The following LFNG variants were observed in gnomAD, a reference collection of about 807,000 sequenced individuals.
LFNG encodes the protein LFNG O-fucosylpeptide 3-beta-N-acetylglucosaminyltransferase, also known as beta-1,3-N-acetylglucosaminyltransferase lunatic fringe.
A neutral mutation model predicts 32.7 loss-of-function variants in LFNG; 15 were observed. The observed-to-expected ratio is 0.46, with a 90% CI of 0.31 to 0.71. LFNG has a LOEUF of 0.71. Among genes scored for constraint, LFNG ranks in the 30% least tolerant of loss-of-function variants. LFNG has a pLI of 0.06. For missense variants in LFNG, 520 were observed against 545.7 expected (o/e 0.95, Z 0.47); for synonymous variants, 274 against 246.8 (o/e 1.11, Z -1.03).
rs774989101 is a variant in LFNG at position 2,526,194 on chromosome 7, G to A, written c.822-50G>A. The A allele has an allele frequency of 6.2e-7, 1 of 1,605,682 alleles. No individual in the cohort carries two copies. The highest frequency in any genetic ancestry group is 1.1e-5 in the South Asian group (1 of 90,962). ...CCTGGTGGGGCCTCCCCAGCTCCCA[G>A]CAGATGGCTCCCGCCTCTGCTCACT... On this transcript the variant is annotated intron_variant, in intron 5 of 7. Coordinates refer to ENST00000222725, the MANE Select transcript of LFNG (RefSeq NM_001040167.2). The surrounding 1 kb of genome is among the most constrained non-coding windows in gnomAD (Gnocchi z 6.9).
At chr7:2,519,735 G>A (rs1428563846), upstream of LFNG, 6 of 446,764 alleles carry the variant, frequency 1.3e-5, no homozygotes, top group East Asian at 3.6e-4. Flanking sequence ...CGGGACCGGG[G>A]CGGGGAGGTT....
At chr7:2,515,768 G>A (rs1021334946), upstream of LFNG, among the ~76,000 whole-genome samples, 3 of 152,270 alleles carry the variant, frequency 2.0e-5, no homozygotes, top group African/African-American at 7.2e-5. Flanking sequence ...AGACCACACA[G>A]TGGGCGAGGG....
intron 2 of LFNG, 103 bp downstream of exon 2, chr7:2,524,846 G>T: frequency 9.0e-7 from 1 of 1,114,092 alleles, no homozygotes; most frequent in Non-Finnish European, 1.3e-6. Flanking sequence ...GTCACCAAGG[G>T]CAGGACAGGG....
At chr7:2,515,040 A>G (rs10276492), upstream of LFNG, among the ~76,000 whole-genome samples, 19 of 59,452 alleles carry the variant, frequency 3.2e-4, no homozygotes, top group East Asian at 7.2e-3. Context: ...CCATCCATCC[A>G]TCCATCTGTC....
At position 2,519,838 on chromosome 7, in the gene LFNG, G is replaced by A; in HGVS notation, c.-24G>A. ...GCAAGGCAGGCGCACGGGGAAGGGCGCGCCGCGCGGCCGCCACCCCACCAT... is the reference window on the plus strand; with the variant it reads ...GCAAGGCAGGCGCACGGGGAAGGGCACGCCGCGCGGCCGCCACCCCACCAT... On this transcript the variant is annotated 5_prime_UTR_variant, in exon 1 of 8. Coordinates refer to ENST00000222725, the MANE Select transcript of LFNG (RefSeq NM_001040167.2). The A allele has an allele frequency of 5.6e-6, 6 of 1,076,554 alleles. No individual in the cohort carries two copies. The highest frequency in any genetic ancestry group is 5.6e-6 in the Non-Finnish European group (5 of 889,176). 66.7% of individuals were successfully genotyped at this position (1,076,554 alleles called of 1,614,324 possible).
At position 2,525,352 on chromosome 7, in the gene LFNG, G is replaced by A. The variant is rs1276070062; in HGVS notation, c.581+34G>A. 16 of 1,612,010 alleles carry A rather than the reference G, an allele frequency of 9.9e-6. No individual in the cohort carries two copies. In the South Asian group the frequency reaches 1.8e-4, roughly 18 times the overall value. Reference sequence around the variant, plus strand: ...GGCCCCGGGGGACCCCCATCTCCCTGCCCGAGCCTGGCAGCGCCCGCCCCG... The same window carrying A: ...GGCCCCGGGGGACCCCCATCTCCCTACCCGAGCCTGGCAGCGCCCGCCCCG... On this transcript the variant is annotated intron_variant, in intron 3 of 7. Coordinates refer to ENST00000222725, the MANE Select transcript of LFNG (RefSeq NM_001040167.2).
At chr7:2,525,904 C>A in intron 5 of LFNG, 134 bp downstream of exon 5, 1 of 819,362 alleles carries the variant, frequency 1.2e-6, no homozygotes, top group Non-Finnish European at 2.0e-6. Flanking sequence ...TTCCTATATT[C>A]CACTTCCCTC....
upstream of LFNG, chr7:2,513,228 G>A: frequency 3.1e-6 from 5 of 1,609,600 alleles, no homozygotes; most frequent in Non-Finnish European, 4.2e-6. Flanking sequence ...TGGATGGAAG[G>A]ATGGACGGAC....
In LFNG at chr7:2,519,805, G is replaced by C. The variant is rs906858134; in HGVS notation, c.-57G>C. 1.0e-6 allele frequency: 1 copy of C among 994,600 alleles called. No individual in the cohort carries two copies. Among genetic ancestry groups the C allele is most frequent in the Non-Finnish European group, 1.2e-6 (1 of 827,310 alleles). The allele number at this position is 994,600 out of a possible 1,614,324, so 61.6% of individuals were successfully genotyped here. On this transcript the variant is annotated 5_prime_UTR_variant, in exon 1 of 8. Transcript: ENST00000222725. ...CTGCGCCGCCGGAGCGACGGGCTTC[G>C]GGTCGGTGCAAGGCAGGCGCACGGG...
rs960325791 is a variant in LFNG at position 2,528,278 on chromosome 7, C to T, written c.*1066C>T. 2.1e-5 allele frequency: 21 copies of T among 986,066 alleles called. No homozygotes were observed. The highest frequency in any genetic ancestry group is 2.5e-5 in the Non-Finnish European group (21 of 830,064). The allele number at this position is 986,066 out of a possible 1,614,324, so 61.1% of individuals were successfully genotyped here. On this transcript the variant is annotated 3_prime_UTR_variant, in exon 8 of 8. Coordinates refer to ENST00000222725, the MANE Select transcript of LFNG (RefSeq NM_001040167.2). Reference sequence around the variant, plus strand: ...CCTCCCCGCTGGGCCCAGCATGGCTCACCTGTCCCGTGGGCTGTGTTTCTT... The same window carrying T: ...CCTCCCCGCTGGGCCCAGCATGGCTTACCTGTCCCGTGGGCTGTGTTTCTT...
At chr7:2,518,381 C>A (rs992948074), upstream of LFNG, among the ~76,000 whole-genome samples, 1 of 152,198 alleles carries the variant, frequency 6.6e-6, no homozygotes, top group African/African-American at 2.4e-5. Context: ...GAACCCCCAT[C>A]CCCCACACCA....
upstream of LFNG, among the ~76,000 whole-genome samples, chr7:2,515,722 G>A (rs1779613202): frequency 6.6e-6 from 1 of 152,246 alleles, no homozygotes; most frequent in African/African-American, 2.4e-5. Context: ...ACAGAGTCAA[G>A]TAACGTCCCA....
intron 1 of LFNG, 77 bp from the exon 2 acceptor site, chr7:2,524,618 G>A (rs998827219): frequency 2.0e-5 from 27 of 1,371,610 alleles, no homozygotes; most frequent in Admixed American, 9.8e-5. Context: ...ACTCCAGGGC[G>A]CCCCGTCCGG....
intron 1 of LFNG, among the ~76,000 whole-genome samples, chr7:2,523,211 C>G (rs1779843065): frequency 6.6e-6 from 1 of 152,218 alleles, no homozygotes; most frequent in African/African-American, 2.4e-5. Context: ...CCTCCCACGG[C>G]ATTCCTGGGC....
In LFNG at chr7:2,525,227, G is replaced by C. The variant is rs149352105; in HGVS notation, c.490G>C (p.Val164Leu). ...EALARHTGNV[V>L]ITNCSAAHSR... ...CGCTCCCCTGTCCACAGGCAACGTG[G>C]TCATCACAAACTGCTCGGCCGCCCA... Residue 164 changes from valine (V) to leucine (L), a missense_variant, in exon 3 of 8, where the codon GTC (valine) becomes CTC (leucine). Transcript: ENST00000222725. 8.7e-6 allele frequency: 14 copies of C among 1,612,672 alleles called. No individual in the cohort carries two copies. In the African/African-American group the frequency reaches 1.9e-4, roughly 22 times the overall value.
rs1238195441 is a variant in LFNG at position 2,512,604 on chromosome 7, AC to A, written c.-48del. On this transcript the variant is annotated 5_prime_UTR_variant, in exon 1 of 9. Coordinates refer to the LFNG transcript ENST00000402506. ...ACAGAGGCCAAGGCGGCTCCTGGCC[AC>A]CCTCGCAGCTTCCTCCCTCCCTGGC... The A allele has an allele frequency of 1.1e-5, 18 of 1,577,952 alleles. No individual in the cohort carries two copies. In the East Asian group the frequency reaches 3.8e-4, roughly 33 times the overall value.
chr7:2,520,067 G>T lies in LFNG; in HGVS notation c.206G>T (p.Arg69Leu). 8.3e-7 allele frequency: 1 copy of T among 1,202,682 alleles called. No individual in the cohort carries two copies. The highest frequency in any genetic ancestry group is 1.0e-6 in the Non-Finnish European group (1 of 963,766). The allele number at this position is 1,202,682 out of a possible 1,614,324, so 74.5% of individuals were successfully genotyped here. Residue 69 changes from arginine to leucine, a missense_variant, in exon 1 of 8, where the codon CGC becomes CTC. By Grantham distance (102) the Arg-to-Leu change is moderately radical (BLOSUM62 -2). Transcript: ENST00000222725. This position sits in a 1 kb window ranked among gnomAD's most constrained non-coding sequence, Gnocchi z 5.0. ...GCGGCGGCGCCCGGGGCGCTGGTCC[G>T]CGACGTGCACAGTCTGTCCGAGTAC... ...AAAAAPGALVRDVHSLSEYFS... is the reference protein window; with the variant it reads ...AAAAAPGALVLDVHSLSEYFS...
In LFNG at chr7:2,528,415, T is replaced by G; in HGVS notation, c.*1203T>G. ...GACGTCCTTTTGCTGTGAATAAAGG[T>G]GCTCTTTGCAGCAATCCTGGGGGTC... On this transcript the variant is annotated 3_prime_UTR_variant, in exon 8 of 8. Coordinates refer to ENST00000222725, the MANE Select transcript of LFNG (RefSeq NM_001040167.2). The G allele has an allele frequency of 1.0e-6, 1 of 989,046 alleles. No homozygotes were observed. Among genetic ancestry groups the G allele is most frequent in the Non-Finnish European group, 1.2e-6 (1 of 831,778 alleles). 61.3% of individuals were successfully genotyped at this position (989,046 alleles called of 1,614,324 possible).
At position 2,519,840 on chromosome 7, in the gene LFNG, G is replaced by A. The variant is rs1779732729; in HGVS notation, c.-22G>A. ...AAGGCAGGCGCACGGGGAAGGGCGC[G>A]CCGCGCGGCCGCCACCCCACCATGC... On this transcript the variant is annotated 5_prime_UTR_variant, in exon 1 of 8. Coordinates refer to ENST00000222725, the MANE Select transcript of LFNG (RefSeq NM_001040167.2). 2 of 1,076,312 alleles carry A rather than the reference G, an allele frequency of 1.9e-6. No homozygotes were observed. Among genetic ancestry groups the A allele is most frequent in the Non-Finnish European group, 2.2e-6 (2 of 889,040 alleles). The allele number at this position is 1,076,312 out of a possible 1,614,324, so 66.7% of individuals were successfully genotyped here.
Sources: gnomAD v4.1 joint callset for allele counts (sites outside exome capture counted in the v4.1 genomes callset) on GRCh38, gnomAD v4.1.1 for gene constraint, Gnocchi (gnomAD v3.1) non-coding constraint, MANE v1.5 for transcripts, NCBI Gene and HGNC (gene_info 2026-07-23, HGNC 2026-07-21) for gene names.